LINGO2: variants seen among roughly 807,000 people sequenced by gnomAD.
LINGO2 encodes the protein leucine-rich repeat and immunoglobulin-like domain-containing nogo receptor-interacting protein 2.
LINGO2 carries 14 observed loss-of-function variants against 30.6 expected under a neutral mutation model. The ratio of observed to expected loss-of-function variants is 0.46; its 90% CI spans 0.30 to 0.72. The LOEUF (loss-of-function observed/expected upper bound fraction) is 0.72, where lower values mean the gene tolerates loss of function less well. Ranked by LOEUF, LINGO2 falls within the 30% of genes least tolerant of loss-of-function variation. LINGO2 has a pLI of 0.07. For synonymous variants in LINGO2, 317 were observed against 288.5 expected, an observed-to-expected ratio of 1.10 and a Z score of -1.00; for missense variants, 729 against 751.7, an observed-to-expected ratio of 0.97 and a Z score of 0.35.
chr9:28,651,487 GA>G (rs1828100712), intron 1 of LINGO2, among the ~76,000 whole-genome samples: 2 of 152,064 alleles, frequency 1.3e-5, no homozygotes, highest in South Asian at 4.1e-4. Flanking sequence ...TGCAAGAACA[GA>G]AACCAGTAAA....
intron 4 of LINGO2, among the ~76,000 whole-genome samples, chr9:28,262,172 GTACT>G (rs1822586463): frequency 6.6e-6 from 1 of 151,618 alleles, no homozygotes. Context: ...TGTTGTAATG[GTACT>G]TACTTGTTTG....
the LINGO2 span, among the ~76,000 whole-genome samples, chr9:29,188,833 A>ACC: frequency 1.1e-3 from 108 of 95,970 alleles, no homozygotes; most frequent in Non-Finnish European, 1.6e-3. Context: ...CCGGGGGCTG[A>ACC]CCCCCCCGCC....
intron 4 of LINGO2, among the ~76,000 whole-genome samples, chr9:28,107,397 T>C (rs1826627325): frequency 6.6e-6 from 1 of 152,192 alleles, no homozygotes; most frequent in Non-Finnish European, 1.5e-5. Context: ...TATTTTGGGA[T>C]ACATTCTGAC....
chr9:28,204,295 G>A lies in LINGO2; in HGVS notation c.-87+90913C>T, dbSNP rs780535506. On this transcript the variant is annotated intron_variant, in intron 4 of 5. Transcript: ENST00000379992. Reference sequence around the variant, plus strand: ...TCTTATTTTATTATACGTATTCCCTGTGAGTCATTTTGAGTCTTTTGTGGA... The same window carrying A: ...TCTTATTTTATTATACGTATTCCCTATGAGTCATTTTGAGTCTTTTGTGGA... Among the ~76,000 whole-genome samples the A allele has an allele frequency of 1.4e-4, 21 of 152,180 alleles. 1 individual carries two copies. The South Asian group carries it at 1.5e-3, about 11-fold the overall frequency.
At chr9:28,379,544 A>G (rs1364918018) in intron 2 of LINGO2, among the ~76,000 whole-genome samples, 2 of 152,026 alleles carry the variant, frequency 1.3e-5, no homozygotes, top group African/African-American at 4.8e-5. Flanking sequence ...CCTCCCCAAA[A>G]CAAAACCAGC....
At chr9:29,206,607 C>T in the LINGO2 span, among the ~76,000 whole-genome samples, 1 of 152,192 alleles carries the variant, frequency 6.6e-6, no homozygotes, top group Non-Finnish European at 1.5e-5. Flanking sequence ...TCACCCTACT[C>T]TGAATTGCCT....
chr9:28,394,768 A>G (rs1347098309), intron 2 of LINGO2, among the ~76,000 whole-genome samples: 1 of 152,232 alleles, frequency 6.6e-6, no homozygotes, highest in African/African-American at 2.4e-5. Context: ...ATTAAGAAAG[A>G]AAATCCTCTG....
the LINGO2 span, among the ~76,000 whole-genome samples, chr9:28,979,629 ATTGT>A: frequency 6.6e-6 from 1 of 152,084 alleles, no homozygotes; most frequent in African/African-American, 2.4e-5. Context: ...AATACTATAC[ATTGT>A]TTATTATACA....
chr9:28,916,807 T>C, the LINGO2 span, among the ~76,000 whole-genome samples: 1 of 152,240 alleles, frequency 6.6e-6, no homozygotes, highest in African/African-American at 2.4e-5. Flanking sequence ...TTTTATACTT[T>C]TTGGTTTACA....
At chr9:28,977,376 A>G in the LINGO2 span, among the ~76,000 whole-genome samples, 1 of 152,102 alleles carries the variant, frequency 6.6e-6, no homozygotes, top group Non-Finnish European at 1.5e-5. Context: ...TTGCTTCATA[A>G]TCCATAGGGA....
chr9:29,121,322 A>G, the LINGO2 span, among the ~76,000 whole-genome samples: 2 of 152,164 alleles, frequency 1.3e-5, no homozygotes, highest in Non-Finnish European at 1.5e-5. Context: ...TAAAATTCCC[A>G]GAAGAAATAT....
Position 27,950,723 on chromosome 9 carries a change from C to T in LINGO2, c.-35-17G>A. 7.1e-7 allele frequency: 1 copy of T among 1,399,808 alleles called. No individual in the cohort carries two copies. Among genetic ancestry groups the T allele is most frequent in the African/African-American group, 1.4e-5 (1 of 69,524 alleles). 86.7% of individuals were successfully genotyped at this position (1,399,808 alleles called of 1,614,324 possible). ...GTCACGGGTCTGCATGGAAGGGACA[C>T]AAGAAGGGAGGAAGAGAAGGTGAGT... On this transcript the variant is annotated splice_polypyrimidine_tract_variant and intron_variant, in intron 5 of 5. Coordinates refer to ENST00000379992, the Ensembl canonical transcript of LINGO2.
At chr9:29,064,709 A>T in the LINGO2 span, among the ~76,000 whole-genome samples, 4 of 152,074 alleles carry the variant, frequency 2.6e-5, no homozygotes, top group Non-Finnish European at 5.9e-5. Context: ...GAACAATTTC[A>T]GGGTATTTTT....
chr9:28,596,911 G>T (rs1377844871), intron 1 of LINGO2, among the ~76,000 whole-genome samples: 1 of 152,238 alleles, frequency 6.6e-6, no homozygotes, highest in Non-Finnish European at 1.5e-5. Flanking sequence ...AAACAAGCCA[G>T]GCTCCAGTGC....
intron 2 of LINGO2, among the ~76,000 whole-genome samples, chr9:28,384,124 A>C (rs1321670247): frequency 6.6e-6 from 1 of 151,752 alleles, no homozygotes. Context: ...ATAGTTATTT[A>C]TTTTAGACAA....
chr9:28,281,831 A>G (rs1372166650), intron 4 of LINGO2, among the ~76,000 whole-genome samples: 2 of 152,110 alleles, frequency 1.3e-5, no homozygotes, highest in Non-Finnish European at 2.9e-5. Context: ...TTTCTAGACT[A>G]AAGCTGCAAA....
chr9:28,957,806 C>T, the LINGO2 span, among the ~76,000 whole-genome samples: 1 of 152,136 alleles, frequency 6.6e-6, no homozygotes, highest in Non-Finnish European at 1.5e-5. Context: ...ATTCATAGAT[C>T]ACTTTGCCCT....
the LINGO2 span, among the ~76,000 whole-genome samples, chr9:28,778,449 C>T: frequency 6.6e-6 from 1 of 152,012 alleles, no homozygotes; most frequent in African/African-American, 2.4e-5. Flanking sequence ...CTGAAGACAC[C>T]ACCTTACTAC....
the LINGO2 span, among the ~76,000 whole-genome samples, chr9:28,843,801 G>A: frequency 6.6e-6 from 1 of 151,712 alleles, no homozygotes; most frequent in Non-Finnish European, 1.5e-5. Context: ...TTTTGCTTAT[G>A]TTCTGTTTCC....
Sources: allele counts gnomAD v4.1 joint callset (sites outside exome capture counted in the v4.1 genomes callset), GRCh38; gene constraint gnomAD v4.1.1; transcripts MANE v1.5; gene names NCBI Gene and HGNC (gene_info 2026-07-23, HGNC 2026-07-21).